Variants in MICU1 observed in about 807,000 individuals in gnomAD.
The protein encoded by MICU1 is calcium uptake protein 1, mitochondrial.
A neutral mutation model predicts 56.8 loss-of-function variants in MICU1; 45 were observed. That is an observed-to-expected ratio of 0.79 (90% confidence interval 0.62 to 1.02). MICU1 has a LOEUF of 1.02. MICU1 is among the 50% of genes least tolerant of loss of function. The probability of loss-of-function intolerance (pLI) is 0.00; values close to 1 mark genes in which losing one functional copy is unlikely to be tolerated. For synonymous variants in MICU1, 186 were observed against 195.1 expected (o/e 0.95, Z 0.39); for missense variants, 504 against 587.1 (o/e 0.86, Z 1.46).
chr10:72,475,717 C>T (rs1866098204), intron 7 of MICU1: 1 of 373,940 alleles, frequency 2.7e-6, no homozygotes. Flanking sequence ...GAGTGAGCCA[C>T]CGCGCCCAGC....
chr10:72,460,896 C>G (rs1259352767), intron 8 of MICU1, among the ~76,000 whole-genome samples: 2 of 152,074 alleles, frequency 1.3e-5, no homozygotes, highest in Non-Finnish European at 2.9e-5. Flanking sequence ...GAGCAATAAT[C>G]ATTCTTTATT....
intron 5 of MICU1, among the ~76,000 whole-genome samples, chr10:72,522,536 G>C (rs1867853974): frequency 6.6e-6 from 1 of 152,050 alleles, no homozygotes; most frequent in South Asian, 2.1e-4. Context: ...TTCTCAACTT[G>C]AATAATCAAA....
chr10:72,417,959 AC>A (rs1864038188), intron 9 of MICU1, among the ~76,000 whole-genome samples: 1 of 152,214 alleles, frequency 6.6e-6, no homozygotes, highest in African/African-American at 2.4e-5. Flanking sequence ...AGGGCTAGGG[AC>A]ACCTCAGGAA....
chr10:72,528,096 G>A (rs1196933182), intron 5 of MICU1, among the ~76,000 whole-genome samples: 1 of 152,158 alleles, frequency 6.6e-6, no homozygotes, highest in African/African-American at 2.4e-5. Flanking sequence ...AAAGTGCCGC[G>A]ATTACAGGCC....
intron 1 of MICU1, among the ~76,000 whole-genome samples, chr10:72,593,375 G>T (rs912070192): frequency 6.6e-6 from 1 of 151,886 alleles, no homozygotes; most frequent in Non-Finnish European, 1.5e-5. Flanking sequence ...TTAGGCAGGC[G>T]GATCACTTGA....
intron 1 of MICU1, among the ~76,000 whole-genome samples, chr10:72,574,641 A>G (rs1463314058): frequency 6.6e-6 from 1 of 152,052 alleles, no homozygotes; most frequent in East Asian, 1.9e-4. Context: ...ATGTCAGTCT[A>G]AAAAAAAGAT....
chr10:72,560,525 A>C (rs1167426497), intron 3 of MICU1: 1 of 152,252 alleles, frequency 6.6e-6, no homozygotes, highest in Non-Finnish European at 1.5e-5. Context: ...ATCTCTGAAA[A>C]ATAAATCAAA....
chr10:72,438,472 C>A (rs1234608263), intron 8 of MICU1, among the ~76,000 whole-genome samples: 4 of 152,152 alleles, frequency 2.6e-5, no homozygotes, highest in Non-Finnish European at 4.4e-5. Flanking sequence ...GACACCCTAA[C>A]ATCACAATTA....
chr10:72,472,097 A>C (rs1589254467), intron 8 of MICU1, among the ~76,000 whole-genome samples: 1 of 152,210 alleles, frequency 6.6e-6, no homozygotes, highest in Admixed American at 6.5e-5. Flanking sequence ...CTGGAAGCAT[A>C]ATACTTAAAT....
chr10:72,490,178 C>T (rs970608698), intron 6 of MICU1, among the ~76,000 whole-genome samples: 3 of 152,086 alleles, frequency 2.0e-5, no homozygotes, highest in African/African-American at 7.2e-5. Flanking sequence ...ATTTTATATG[C>T]CTCCTCCCTC....
At chr10:72,497,355 GC>G (rs1225372480) in intron 6 of MICU1, among the ~76,000 whole-genome samples, 1 of 152,144 alleles carries the variant, frequency 6.6e-6, no homozygotes, top group African/African-American at 2.4e-5. Context: ...ACCACGCCCA[GC>G]CCAAATAAGC....
chr10:72,625,741 GAGA>G (rs898633013), intron 1 of MICU1, among the ~76,000 whole-genome samples: 6 of 152,200 alleles, frequency 3.9e-5, no homozygotes, highest in Non-Finnish European at 7.3e-5. Context: ...CCGGCACTGG[GAGA>G]AGTTCTCCCG....
intron 8 of MICU1, among the ~76,000 whole-genome samples, chr10:72,465,463 A>G (rs7923772): frequency 0.044 from 6,577 of 148,158 alleles, 399 homozygotes; most frequent in East Asian, 0.19. Flanking sequence ...AATAGTACTG[A>G]ACCCATTTGC....
At chr10:72,562,830 G>C in intron 3 of MICU1, 65 bp downstream of exon 3, 2 of 1,282,506 alleles carry the variant, frequency 1.6e-6, no homozygotes, top group Non-Finnish European at 2.1e-6. Flanking sequence ...TGATTAAAAA[G>C]ATTGAACTGC....
intron 10 of MICU1, among the ~76,000 whole-genome samples, chr10:72,388,827 C>T (rs1862975025): frequency 1.3e-5 from 2 of 152,150 alleles, no homozygotes; most frequent in South Asian, 4.1e-4. Context: ...GTGGAGTATA[C>T]TGAGAGGCAA....
chr10:72,455,933 T>C (rs185114597), intron 8 of MICU1, among the ~76,000 whole-genome samples: 1 of 152,230 alleles, frequency 6.6e-6, no homozygotes, highest in East Asian at 1.9e-4. Context: ...TAGTCTGGAT[T>C]ATAAGAATAT....
intron 9 of MICU1, among the ~76,000 whole-genome samples, chr10:72,417,869 G>A (rs1300807944): frequency 6.6e-6 from 1 of 152,094 alleles, no homozygotes; most frequent in Non-Finnish European, 1.5e-5. Flanking sequence ...GTATTAGTTC[G>A]TTCTTATGCT....
Position 72,537,871 on chromosome 10 carries a change from A to G in MICU1, c.494-4082T>C, listed in dbSNP as rs112978599. 5.7e-3 allele frequency among the ~76,000 whole-genome samples: 861 copies of G among 152,300 alleles called. 6 individuals are homozygous for G. The highest frequency in any genetic ancestry group is 0.02 in the African/African-American group (821 of 41,580). ...AAAGACAATGGCAACTGACTTTGTC[A>G]AACTCATTTTGTCAAAAGACACAAG... On this transcript the variant is annotated intron_variant, in intron 4 of 11. Coordinates refer to ENST00000361114, the MANE Select transcript of MICU1 (RefSeq NM_001195518.2).
rs1246062078 is a variant in MICU1, at chr10:72,569,229, A to ATTT, written c.-1-2436_-1-2435insAAA. Reference sequence around the variant, plus strand: ...TGCATATATATATATATATATATATATATATATATTTTTTTTTTTTTTTGA... The same window carrying ATTT: ...TGCATATATATATATATATATATATATTTTATATATATTTTTTTTTTTTTTTGA... On this transcript the variant is annotated intron_variant, in intron 1 of 11. Transcript: ENST00000361114. Among the ~76,000 whole-genome samples, 33 of 37,730 alleles carry ATTT rather than the reference A, an allele frequency of 8.7e-4. 1 individual carries two copies. The highest frequency in any genetic ancestry group is 2.7e-3 in the African/African-American group (27 of 9,830). 24.8% of individuals were successfully genotyped at this position (37,730 alleles called of 152,430 possible). A position where few individuals can be genotyped will look rare whatever the true frequency, so the allele number is the denominator to read the frequency against.
Sources: allele counts gnomAD v4.1 joint callset (sites outside exome capture counted in the v4.1 genomes callset), GRCh38; gene constraint gnomAD v4.1.1; transcripts MANE v1.5; gene names NCBI Gene and HGNC (gene_info 2026-07-23, HGNC 2026-07-21).